The following GPC6 variants were observed in gnomAD, a reference collection of about 807,000 sequenced individuals.
GPC6 encodes glypican-6.
GPC6 carries 14 observed loss-of-function variants against 55.2 expected under a neutral mutation model. The ratio of observed to expected loss-of-function variants is 0.25; its 90% confidence interval spans 0.17 to 0.40. The LOEUF (loss-of-function observed/expected upper bound fraction) is 0.40. GPC6 is among the 10% of genes least tolerant of loss of function. The pLI, the probability that GPC6 is intolerant of heterozygous loss-of-function variation, is 1.00. For missense variants in GPC6, 641 were observed against 708.5 expected, an observed-to-expected ratio of 0.90 and a Z score of 1.08; for synonymous variants, 278 against 259.6, an observed-to-expected ratio of 1.07 and a Z score of -0.68.
intron 1 of GPC6, among the ~76,000 whole-genome samples, chr13:93,352,490 A>G (rs1321095891): frequency 6.6e-6 from 1 of 152,090 alleles, no homozygotes; most frequent in Non-Finnish European, 1.5e-5. Flanking sequence ...TATTTTACGA[A>G]TTTTGTTGTG....
chr13:93,780,255 A>G (rs953324390), intron 2 of GPC6, among the ~76,000 whole-genome samples: 7 of 152,098 alleles, frequency 4.6e-5, no homozygotes, highest in African/African-American at 1.7e-4. Flanking sequence ...ATTTATTGAA[A>G]ACCAAAAAAA....
intron 1 of GPC6, among the ~76,000 whole-genome samples, chr13:93,343,679 A>G (rs1042703967): frequency 2.0e-5 from 3 of 152,166 alleles, no homozygotes; most frequent in Non-Finnish European, 2.9e-5. Flanking sequence ...AATATCTCCT[A>G]TAGAATTGTC....
At chr13:94,005,969 G>A (rs1488323733) in intron 3 of GPC6, among the ~76,000 whole-genome samples, 3 of 152,070 alleles carry the variant, frequency 2.0e-5, no homozygotes, top group Admixed American at 6.6e-5. Flanking sequence ...ATTTAGAAAT[G>A]CAAAAGATGT....
intron 2 of GPC6, among the ~76,000 whole-genome samples, chr13:93,713,821 G>A (rs555251114): frequency 6.6e-6 from 1 of 151,780 alleles, no homozygotes; most frequent in African/African-American, 2.4e-5. Context: ...GGTAACGAAG[G>A]TGGTATCTCA....
At chr13:93,615,774 T>C (rs1469039965) in intron 2 of GPC6, among the ~76,000 whole-genome samples, 1 of 152,094 alleles carries the variant, frequency 6.6e-6, no homozygotes, top group East Asian at 1.9e-4. Flanking sequence ...CCCCTCACTT[T>C]CTCTCTAAGC....
chr13:93,347,432 G>A (rs1051851254), intron 1 of GPC6, among the ~76,000 whole-genome samples: 1 of 152,092 alleles, frequency 6.6e-6, no homozygotes, highest in Non-Finnish European at 1.5e-5. Context: ...TAAAACATGT[G>A]GTGAGAGAAA....
intron 1 of GPC6, among the ~76,000 whole-genome samples, chr13:93,276,495 A>AGAGT (rs1365006783): frequency 0.037 from 3,437 of 94,122 alleles, 63 homozygotes; most frequent in African/African-American, 0.052. Flanking sequence ...AGAGAGAGAG[A>AGAGT]GTGTGTGTGT....
At chr13:94,069,061 G>A (rs553729844) in intron 4 of GPC6, among the ~76,000 whole-genome samples, 1 of 152,312 alleles carries the variant, frequency 6.6e-6, no homozygotes, top group African/African-American at 2.4e-5. Context: ...CCCTAGCAGA[G>A]GTTCTCCATG....
intron 2 of GPC6, among the ~76,000 whole-genome samples, chr13:93,601,574 T>A (rs924500329): frequency 6.6e-6 from 1 of 152,198 alleles, no homozygotes; most frequent in African/African-American, 2.4e-5. Flanking sequence ...CCTTATTACC[T>A]GACATAAAAC....
rs923041057 is a variant in GPC6 at position 93,227,699 on chromosome 13, C to T, written c.160+83C>T. 2.7e-6 allele frequency: 3 copies of T among 1,131,412 alleles called. No homozygotes were observed. In the African/African-American group the frequency reaches 4.6e-5, roughly 17 times the overall value. The allele number at this position is 1,131,412 out of a possible 1,614,324, so 70.1% of individuals were successfully genotyped here. A position where few individuals can be genotyped will look rare whatever the true frequency, so the allele number is the denominator to read the frequency against. ...TGGCCGCCCGGCGTCCCCTTCCTTC[C>T]CCCTGTTGCTGAGTTGGTGCTCACT... is the stretch of plus-strand genomic sequence containing the variant. On this transcript the variant is annotated intron_variant, in intron 1 of 8. Transcript: ENST00000377047. The surrounding 1 kb of genome is among the most constrained non-coding windows in gnomAD (Gnocchi z 4.3).
chr13:93,481,467 TG>T (rs1304194478), intron 1 of GPC6, among the ~76,000 whole-genome samples: 2 of 152,130 alleles, frequency 1.3e-5, no homozygotes, highest in Admixed American at 1.3e-4. Context: ...TTTTTTCATT[TG>T]TCACTTGTTT....
rs1880180356 is a variant in GPC6 at position 93,339,866 on chromosome 13, T to C, written c.160+112250T>C. On this transcript the variant is annotated intron_variant, in intron 1 of 8. Coordinates refer to ENST00000377047, the MANE Select transcript of GPC6 (RefSeq NM_005708.5). Reference sequence around the variant, plus strand: ...TTAAGAAAATTACTTTTGAAAGGAGTATTAATCTAAATGGATAAATGAGTC... The same window carrying C: ...TTAAGAAAATTACTTTTGAAAGGAGCATTAATCTAAATGGATAAATGAGTC... 2.6e-5 allele frequency among the ~76,000 whole-genome samples: 4 copies of C among 152,184 alleles called. No individual in the cohort carries two copies. The South Asian group carries it at 8.3e-4, about 32-fold the overall frequency.
intron 6 of GPC6, 42 bp from the exon 7 acceptor site, chr13:94,382,372 C>G: frequency 6.2e-7 from 1 of 1,611,058 alleles, no homozygotes; most frequent in Non-Finnish European, 8.5e-7. Context: ...TGGGGAAAGC[C>G]TGAGCAGAAT....
At chr13:94,041,573 T>C (rs1228037816) in intron 4 of GPC6, among the ~76,000 whole-genome samples, 1 of 151,900 alleles carries the variant, frequency 6.6e-6, no homozygotes, top group East Asian at 1.9e-4. Flanking sequence ...AGCATTTCTC[T>C]GTTTAATTTA....
intron 1 of GPC6, among the ~76,000 whole-genome samples, chr13:93,237,072 G>A (rs976057246): frequency 6.6e-6 from 1 of 152,052 alleles, no homozygotes; most frequent in Non-Finnish European, 1.5e-5. Flanking sequence ...CTCTTCCTTT[G>A]ACTAGATAAA....
chr13:94,385,275 G>A (rs1880353247), intron 7 of GPC6, among the ~76,000 whole-genome samples: 1 of 151,840 alleles, frequency 6.6e-6, no homozygotes, highest in Admixed American at 6.6e-5. Context: ...ATCAATACCT[G>A]AAAAGGTACA....
intron 3 of GPC6, among the ~76,000 whole-genome samples, chr13:93,966,764 CCTCAGCCTCCCAAGT>C (rs1347077629): frequency 6.6e-6 from 1 of 151,212 alleles, no homozygotes; most frequent in Non-Finnish European, 1.5e-5. Context: ...AATCCTCCCT[CCTCAGCCTCCCAAGT>C]AGCTGGGACT....
chr13:94,271,380 G>GCACACACACACA (rs1195447524), intron 4 of GPC6, among the ~76,000 whole-genome samples: 5 of 112,602 alleles, frequency 4.4e-5, no homozygotes, highest in African/African-American at 1.4e-4. Context: ...GCGCGCGCGC[G>GCACACACACACA]CGCACACACA....
In GPC6 at chr13:94,194,875, TTGTGTG is replaced by T. The variant is rs547244832; in HGVS notation, c.878-91468_878-91463del. Among the ~76,000 whole-genome samples, 98 of 151,982 alleles carry T rather than the reference TTGTGTG, an allele frequency of 6.4e-4. 2 individuals carry two copies. In the South Asian group the frequency reaches 0.017, roughly 26 times the overall value. On this transcript the variant is annotated intron_variant, in intron 4 of 8. Transcript: ENST00000377047. The stretch of plus-strand genomic sequence containing the variant: ...TGTATCTGTGTATGTGTGTGTGTGT[TTGTGTG>T]TGTGTATCTGTAGATGAGTATATTT...
Sources: gnomAD v4.1 joint callset for allele counts (sites outside exome capture counted in the v4.1 genomes callset) on GRCh38, gnomAD v4.1.1 for gene constraint, Gnocchi (gnomAD v3.1) non-coding constraint, MANE v1.5 for transcripts, NCBI Gene and HGNC (gene_info 2026-07-23, HGNC 2026-07-21) for gene names.